PPFIA1: variants seen among roughly 807,000 people sequenced by gnomAD.
PPFIA1 encodes the protein liprin-alpha-1.
Under a neutral mutation model 149.9 loss-of-function variants are expected in PPFIA1, and 25 were observed. That is an observed-to-expected ratio of 0.17 (90% CI 0.12 to 0.23). The LOEUF (loss-of-function observed/expected upper bound fraction) is 0.23, where lower values mean the gene tolerates loss of function less well. Among genes scored for constraint, PPFIA1 ranks in the 10% least tolerant of loss-of-function variants. The pLI, the probability that PPFIA1 is intolerant of heterozygous loss-of-function variation, is 1.00. For missense variants in PPFIA1, 1,362 were observed against 1,506.5 expected (o/e 0.90, Z 1.59); for synonymous variants, 549 against 552.8 (o/e 0.99, Z 0.10).
chr11:70,317,756 G>A (rs1489550833), intron 2 of PPFIA1, among the ~76,000 whole-genome samples: 1 of 152,106 alleles, frequency 6.6e-6, no homozygotes, highest in Non-Finnish European at 1.5e-5. Context: ...TGGATGGATG[G>A]TCTGTGCAGT....
Position 70,362,183 on chromosome 11 carries a change from C to T in PPFIA1, c.2664+7C>T, listed in dbSNP as rs778905867. On this transcript the variant is annotated splice_region_variant and intron_variant, in intron 20 of 27. Transcript: ENST00000253925. ...GGTTGTGGTCTGGCTAGAGGTACAT[C>T]CTTCATTTAACATGCAGTTGCGTGG... 13 of 1,613,984 alleles carry T rather than the reference C, an allele frequency of 8.1e-6. No homozygotes were observed. The South Asian group carries it at 1.2e-4, about 15-fold the overall frequency.
chr11:70,353,955 G>A (rs940358728), intron 16 of PPFIA1, among the ~76,000 whole-genome samples: 2 of 152,134 alleles, frequency 1.3e-5, no homozygotes, highest in African/African-American at 2.4e-5. Flanking sequence ...GTGGTTTATC[G>A]GTGTTGTTCA....
chr11:70,362,020 C>T (rs1175923251), intron 19 of PPFIA1, 75 bp from the exon 20 acceptor site: 1 of 1,429,188 alleles, frequency 7.0e-7, no homozygotes, highest in Non-Finnish European at 9.8e-7. Context: ...CTTGGCCTCC[C>T]AGAGAGCTGG....
intron 26 of PPFIA1, chr11:70,380,964 TAATTTTTTG>T (rs1460219093): frequency 2.6e-5 from 4 of 152,000 alleles, no homozygotes. Context: ...CATGCCTTGC[TAATTTTTTG>T]AATTTTTTGT....
chr11:70,312,535 C>T (rs930867540), intron 2 of PPFIA1, among the ~76,000 whole-genome samples: 1 of 152,154 alleles, frequency 6.6e-6, no homozygotes, highest in Admixed American at 6.5e-5. Context: ...GTTCCCCCTA[C>T]AGGAGTGTTG....
intron 2 of PPFIA1, among the ~76,000 whole-genome samples, chr11:70,298,361 G>A (rs1375127113): frequency 6.6e-6 from 1 of 152,144 alleles, no homozygotes; most frequent in East Asian, 1.9e-4. Flanking sequence ...TTCCAAGGTT[G>A]TTTTCTTGTG....
At chr11:70,302,952 G>T (rs925728034) in intron 2 of PPFIA1, among the ~76,000 whole-genome samples, 2 of 152,122 alleles carry the variant, frequency 1.3e-5, no homozygotes, top group Non-Finnish European at 2.9e-5. Context: ...TTTATACGTA[G>T]ACCTTTGATT....
At chr11:70,375,194 A>G in intron 24 of PPFIA1, 101 bp downstream of exon 24, 1 of 414,836 alleles carries the variant, frequency 2.4e-6, no homozygotes, top group Non-Finnish European at 3.4e-6. Flanking sequence ...AAAAAAAAAA[A>G]AAAAAAAACT....
At chr11:70,291,918 A>G (rs1591076614) in intron 2 of PPFIA1, among the ~76,000 whole-genome samples, 2 of 145,686 alleles carry the variant, frequency 1.4e-5, no homozygotes, top group South Asian at 2.2e-4. Context: ...GCTCACGGCA[A>G]CCTCCGCCTC....
At position 70,290,441 on chromosome 11, in the gene PPFIA1, T is replaced by C. The variant is rs1591071502; in HGVS notation, c.264+18005T>C. Among the ~76,000 whole-genome samples the C allele has an allele frequency of 3.9e-5, 6 of 152,330 alleles. 1 individual carries two copies. In the South Asian group the frequency reaches 1.2e-3, roughly 32 times the overall value. On this transcript the variant is annotated intron_variant, in intron 2 of 27. Coordinates refer to ENST00000253925, the MANE Select transcript of PPFIA1 (RefSeq NM_003626.5). ...AATTAGTGACAGTGCCTTCTTTCAC[T>C]CTCAGAAATGAAGCATAGCTAAGGC...
At chr11:70,376,052 A>C (rs950416294) in intron 24 of PPFIA1, among the ~76,000 whole-genome samples, 1 of 151,882 alleles carries the variant, frequency 6.6e-6, no homozygotes, top group African/African-American at 2.4e-5. Context: ...GCAATGGTGC[A>C]ATCTTGGCTC....
chr11:70,289,311 G>T (rs981006202), intron 2 of PPFIA1, among the ~76,000 whole-genome samples: 6 of 151,712 alleles, frequency 4.0e-5, no homozygotes, highest in African/African-American at 1.5e-4. Flanking sequence ...GACAGAGCTA[G>T]AAAAAAATGT....
rs115023500 is a variant in PPFIA1 at position 70,370,398 on chromosome 11, T to A, written c.2866-1817T>A. Among the ~76,000 whole-genome samples the A allele has an allele frequency of 8.0e-4, 122 of 151,926 alleles. No individual in the cohort carries two copies. The Middle Eastern group carries it at 0.01, about 13-fold the overall frequency. On this transcript the variant is annotated intron_variant, in intron 21 of 27. Coordinates refer to ENST00000253925, the MANE Select transcript of PPFIA1 (RefSeq NM_003626.5). ...TTCTAGTTTAAGTTTTAATTTTTTT[T>A]AATTTTGAGACAGAGTCTCGCTCTA...
intron 2 of PPFIA1, among the ~76,000 whole-genome samples, chr11:70,313,274 A>G (rs1002263161): frequency 2.6e-5 from 4 of 152,196 alleles, no homozygotes; most frequent in African/African-American, 4.8e-5. Flanking sequence ...TGCTTAGAAC[A>G]ATGTCTGGCA....
chr11:70,300,837 C>G (rs1409816266), intron 2 of PPFIA1, among the ~76,000 whole-genome samples: 4 of 152,210 alleles, frequency 2.6e-5, no homozygotes, highest in Admixed American at 2.0e-4. Context: ...CCGGCCTACT[C>G]CAACTTTTAA....
At chr11:70,343,315 A>G (rs191463557) in intron 14 of PPFIA1, among the ~76,000 whole-genome samples, 1 of 152,228 alleles carries the variant, frequency 6.6e-6, no homozygotes, top group East Asian at 1.9e-4. Flanking sequence ...TATTTCTTCT[A>G]AGGCTATATT....
At chr11:70,376,693 G>A in intron 25 of PPFIA1, 93 bp downstream of exon 25, 1 of 1,083,512 alleles carries the variant, frequency 9.2e-7, no homozygotes, top group Non-Finnish European at 1.4e-6. Flanking sequence ...TATTATACTT[G>A]GGACATCATG....
At chr11:70,307,081 A>G (rs751711659) in intron 2 of PPFIA1, among the ~76,000 whole-genome samples, 14 of 152,180 alleles carry the variant, frequency 9.2e-5, no homozygotes, top group South Asian at 6.2e-4. Context: ...GGGAAAATTA[A>G]CCTCAAGGTT....
At chr11:70,338,331 C>T in intron 12 of PPFIA1, 43 bp from the exon 13 acceptor site, 4 of 1,489,544 alleles carry the variant, frequency 2.7e-6, no homozygotes, top group Middle Eastern at 1.7e-4. Context: ...GTTTTAAAAT[C>T]TAAAAGAGAT....
Sources: allele counts gnomAD v4.1 joint callset (sites outside exome capture counted in the v4.1 genomes callset), GRCh38; gene constraint gnomAD v4.1.1; transcripts MANE v1.5; gene names NCBI Gene and HGNC (gene_info 2026-07-23, HGNC 2026-07-21).